Variants in MAGI2 observed in about 807,000 individuals in gnomAD.
The protein encoded by MAGI2 is membrane associated guanylate kinase, WW and PDZ domain containing 2, also known as membrane-associated guanylate kinase, WW and PDZ domain-containing protein 2.
In MAGI2, 35 loss-of-function variants were observed where a neutral mutation model predicts 133.3. The observed-to-expected ratio is 0.26, with a 90% CI of 0.20 to 0.35. The LOEUF (loss-of-function observed/expected upper bound fraction) is 0.35, where lower values mean the gene tolerates loss of function less well. MAGI2 is among the 10% of genes least tolerant of loss of function. The pLI is 1.00. For synonymous variants in MAGI2, 729 were observed against 710.6 expected, an observed-to-expected ratio of 1.03 and a Z score of -0.41; for missense variants, 1,636 against 1,863.4, an observed-to-expected ratio of 0.88 and a Z score of 2.25.
intron 21 of MAGI2, among the ~76,000 whole-genome samples, chr7:78,074,785 A>G (rs996622829): frequency 1.3e-5 from 2 of 152,318 alleles, no homozygotes. Context: ...AATCTATTTG[A>G]TGCTGGAGGA....
At chr7:79,016,678 G>A (rs942373333) in intron 1 of MAGI2, among the ~76,000 whole-genome samples, 23 of 152,104 alleles carry the variant, frequency 1.5e-4, no homozygotes, top group African/African-American at 5.1e-4. Context: ...ACAGCTGCCA[G>A]TGTGAGTGAA....
chr7:78,942,001 T>C (rs1297545280), intron 2 of MAGI2, among the ~76,000 whole-genome samples: 1 of 152,132 alleles, frequency 6.6e-6, no homozygotes, highest in Non-Finnish European at 1.5e-5. Context: ...ATATTTTGAG[T>C]AATGTGAAAA....
chr7:78,238,010 C>T (rs1387124194), intron 10 of MAGI2, among the ~76,000 whole-genome samples: 1 of 152,170 alleles, frequency 6.6e-6, no homozygotes, highest in Non-Finnish European at 1.5e-5. Flanking sequence ...CTATTTTACT[C>T]AGCACTTGGC....
intron 1 of MAGI2, among the ~76,000 whole-genome samples, chr7:79,426,880 A>G (rs1211502356): frequency 1.3e-5 from 2 of 152,126 alleles, no homozygotes; most frequent in South Asian, 2.1e-4. Flanking sequence ...TTCAAATGAC[A>G]TAATTGTACT....
chr7:78,343,978 A>G lies in MAGI2; in HGVS notation c.1226-18T>C. 6.3e-7 allele frequency: 1 copy of G among 1,597,374 alleles called. No homozygotes were observed. On this transcript the variant is annotated intron_variant, in intron 8 of 21. Coordinates refer to ENST00000354212, the MANE Select transcript of MAGI2 (RefSeq NM_012301.4). ...TGGTTTTTCTACATTGGCCAATATA[A>G]GTTAAAAAAGAAAAAGGCATGTTCA...
At chr7:78,924,602 T>G (rs1799539141) in intron 2 of MAGI2, among the ~76,000 whole-genome samples, 1 of 152,024 alleles carries the variant, frequency 6.6e-6, no homozygotes, top group Non-Finnish European at 1.5e-5. Flanking sequence ...TTTGTCAGTA[T>G]TTTATTGGGG....
intron 7 of MAGI2, among the ~76,000 whole-genome samples, chr7:78,355,530 A>C (rs1170194362): frequency 6.6e-6 from 1 of 152,204 alleles, no homozygotes; most frequent in Non-Finnish European, 1.5e-5. Flanking sequence ...GCATGCTTTT[A>C]ATTCACTTGC....
chr7:78,305,780 C>T (rs1319664127), intron 9 of MAGI2, among the ~76,000 whole-genome samples: 1 of 152,034 alleles, frequency 6.6e-6, no homozygotes, highest in Non-Finnish European at 1.5e-5. Context: ...TTAAGCATAC[C>T]TGATTGGTAA....
At chr7:78,037,685 G>A (rs1416045289) in intron 21 of MAGI2, among the ~76,000 whole-genome samples, 3 of 152,188 alleles carry the variant, frequency 2.0e-5, no homozygotes, top group Non-Finnish European at 4.4e-5. Context: ...GGTTTATCAA[G>A]CCTTGAATTT....
intron 1 of MAGI2, among the ~76,000 whole-genome samples, chr7:79,251,087 C>CA: frequency 6.6e-6 from 1 of 152,158 alleles, no homozygotes; most frequent in Non-Finnish European, 1.5e-5. Flanking sequence ...AAAAGCAAAT[C>CA]AAAATGAATT....
chr7:79,119,232 T>C (rs1310109411), intron 1 of MAGI2, among the ~76,000 whole-genome samples: 7 of 152,192 alleles, frequency 4.6e-5, no homozygotes, highest in Admixed American at 3.9e-4. Flanking sequence ...TAAGTTGTAG[T>C]TCATAACCTG....
intron 6 of MAGI2, among the ~76,000 whole-genome samples, chr7:78,472,054 C>T (rs567107636): frequency 7.0e-4 from 107 of 152,192 alleles, no homozygotes; most frequent in Middle Eastern, 3.4e-3. Context: ...TATGTTCTTA[C>T]GGACTATCTT....
intron 1 of MAGI2, among the ~76,000 whole-genome samples, chr7:79,205,912 A>G (rs1166089940): frequency 6.6e-6 from 1 of 151,776 alleles, no homozygotes; most frequent in African/African-American, 2.4e-5. Flanking sequence ...ATCAAAACAT[A>G]TCAATTAAAA....
chr7:78,801,458 C>T (rs1788046127), intron 2 of MAGI2, among the ~76,000 whole-genome samples: 1 of 152,114 alleles, frequency 6.6e-6, no homozygotes. Flanking sequence ...AGTCCATTGT[C>T]TATCCCAAAA....
chr7:79,408,813 G>A lies in MAGI2; in HGVS notation c.301+44207C>T, dbSNP rs373259130. The stretch of plus-strand genomic sequence containing the variant: ...ATAGGTTATTCATATAAGGGTTTAA[G>A]ATGATACTGCCTCATTTAAAAAGTA... On this transcript the variant is annotated intron_variant, in intron 1 of 21. Transcript: ENST00000354212. 3.3e-3 allele frequency among the ~76,000 whole-genome samples: 505 copies of A among 152,140 alleles called. 3 individuals are homozygous for A. Among genetic ancestry groups the A allele is most frequent in the Non-Finnish European group, 4.2e-3 (283 of 67,984 alleles).
At chr7:79,307,017 C>T (rs114571423) in intron 1 of MAGI2, among the ~76,000 whole-genome samples, 1,641 of 152,066 alleles carry the variant, frequency 0.011, 33 homozygotes, top group African/African-American at 0.038. Context: ...TTTTACTGCT[C>T]TATGCTTAAA....
At chr7:79,058,449 G>A (rs1813373499) in intron 1 of MAGI2, among the ~76,000 whole-genome samples, 1 of 152,074 alleles carries the variant, frequency 6.6e-6, no homozygotes, top group South Asian at 2.1e-4. Context: ...AGTAAGAGCT[G>A]GACATGTACC....
At chr7:78,647,790 T>C (rs571680974) in intron 2 of MAGI2, among the ~76,000 whole-genome samples, 26 of 152,212 alleles carry the variant, frequency 1.7e-4, no homozygotes, top group African/African-American at 5.8e-4. Context: ...ATGTGGCCCA[T>C]ATACACCATG....
chr7:78,902,116 T>A (rs1797658672), intron 2 of MAGI2, among the ~76,000 whole-genome samples: 1 of 152,178 alleles, frequency 6.6e-6, no homozygotes, highest in Non-Finnish European at 1.5e-5. Context: ...ACTTTATAGT[T>A]GTTATTTGTA....
Sources: gnomAD v4.1 joint callset for allele counts (sites outside exome capture counted in the v4.1 genomes callset) on GRCh38, gnomAD v4.1.1 for gene constraint, MANE v1.5 for transcripts, NCBI Gene and HGNC (gene_info 2026-07-23, HGNC 2026-07-21) for gene names.